ECSIT: variants seen among roughly 807,000 people sequenced by gnomAD.
ECSIT encodes the protein evolutionarily conserved signaling intermediate in Toll pathway, mitochondrial.
Under a neutral mutation model 36.8 loss-of-function variants are expected in ECSIT, and 29 were observed. The observed-to-expected ratio is 0.79, with a 90% CI of 0.59 to 1.08. The LOEUF is 1.08. Ranked by LOEUF, ECSIT falls within the 50% of genes least tolerant of loss-of-function variation. ECSIT has a pLI of 0.00. For synonymous variants in ECSIT, 231 were observed against 234.8 expected, an observed-to-expected ratio of 0.98 and a Z score of 0.15; for missense variants, 542 against 581.0, an observed-to-expected ratio of 0.93 and a Z score of 0.69.
chr19:11,523,548 C>G (rs1024098530), intron 1 of ECSIT: 2 of 1,066,592 alleles, frequency 1.9e-6, no homozygotes, highest in African/African-American at 3.1e-5. Context: ...ATCTGTGAAG[C>G]TGCCAAAGCC....
chr19:11,522,140 C>CG (rs1972117543), intron 1 of ECSIT: 1 of 410,626 alleles, frequency 2.4e-6, no homozygotes, highest in Non-Finnish European at 4.6e-6. Flanking sequence ...AAGAAGTCTT[C>CG]GGGGAGACTG....
chr19:11,522,395 A>G (rs1972124050), intron 1 of ECSIT: 1 of 1,066,778 alleles, frequency 9.4e-7, no homozygotes. Context: ...CTGGCCGTCA[A>G]GCAGTTCCAA....
chr19:11,510,261 G>A (rs912579918), intron 4 of ECSIT, among the ~76,000 whole-genome samples: 2 of 151,958 alleles, frequency 1.3e-5, no homozygotes, highest in Non-Finnish European at 1.5e-5. Flanking sequence ...CTACAGACTT[G>A]ACTTCCTGAG....
At chr19:11,515,393 C>G (rs192124845) in intron 2 of ECSIT, among the ~76,000 whole-genome samples, 2 of 151,850 alleles carry the variant, frequency 1.3e-5, no homozygotes, top group African/African-American at 4.8e-5. Context: ...TGAGCCACCG[C>G]GCCCGGCGTA....
At chr19:11,507,341 A>G (rs1253862638) in intron 7 of ECSIT, 116 bp downstream of exon 7, 5 of 806,052 alleles carry the variant, frequency 6.2e-6, no homozygotes, top group East Asian at 5.1e-5. Context: ...CAGTGGCTCT[A>G]TAATAGTTCA....
chr19:11,515,559 C>T (rs527505986), intron 2 of ECSIT, among the ~76,000 whole-genome samples: 10 of 151,886 alleles, frequency 6.6e-5, no homozygotes, highest in Non-Finnish European at 1.2e-4. Flanking sequence ...TGGGTTCAAG[C>T]GATTCTCCTG....
chr19:11,515,065 C>G (rs1378930858), intron 2 of ECSIT, among the ~76,000 whole-genome samples: 1 of 151,300 alleles, frequency 6.6e-6, no homozygotes, highest in African/African-American at 2.4e-5. Context: ...TCTCAAACTC[C>G]AGGCCTCAAG....
In ECSIT at chr19:11,507,825, G is replaced by A. The variant is rs1350976010; in HGVS notation, c.822C>T (p.Ala274=). 5.6e-6 allele frequency: 9 copies of A among 1,613,428 alleles called. No homozygotes were observed. Among genetic ancestry groups the A allele is most frequent in the Non-Finnish European group, 5.9e-6 (7 of 1,179,984 alleles). ...IVGIQSPDQQ[A]ALARHNPARP... ...GGGCTGGATTGTGGCGGGCCAGGGC[G>A]GCCTGCTGATCGGGACTCTGGATTC... is the stretch of plus-strand genomic sequence containing the variant. The change falls in exon 6 of 8, where the codon GCC becomes GCT. Residue 274 remains alanine (A), a synonymous_variant. Coordinates refer to ENST00000270517, the MANE Select transcript of ECSIT (RefSeq NM_016581.5).
rs1001326232 is a variant in ECSIT at position 11,513,811 on chromosome 19, C to G, written c.507G>C (p.Glu169Asp). ...ECGIAVLEQM[E>D]NHGVMPNKET... ...CCAGCCTCCTGGCCTCACCGTGGTT[C>G]TCCATCTGCTCCAGGACAGCAATCC... The change falls in exon 3 of 8, where the codon GAG (glutamate) becomes GAC (aspartate). Residue 169 changes from glutamate to aspartate, a missense_variant. By Grantham distance (45) the Glu-to-Asp change is conservative. Transcript: ENST00000270517. 2.2e-5 allele frequency: 36 copies of G among 1,614,016 alleles called. 1 individual carries two copies. The highest frequency in any genetic ancestry group is 2.7e-5 in the Non-Finnish European group (32 of 1,180,028).
At chr19:11,508,366 A>T (rs1307401672) in intron 4 of ECSIT, among the ~76,000 whole-genome samples, 2 of 138,364 alleles carry the variant, frequency 1.4e-5, no homozygotes, top group Non-Finnish European at 3.0e-5. Flanking sequence ...TAGGGATGAT[A>T]ACAGCACTTA....
intron 3 of ECSIT, 90 bp from the exon 4 acceptor site, chr19:11,513,369 T>G: frequency 1.1e-5 from 11 of 996,332 alleles, no homozygotes; most frequent in Non-Finnish European, 1.6e-5. Flanking sequence ...GTGAGGGAAT[T>G]GATCACAGAC....
intron 2 of ECSIT, among the ~76,000 whole-genome samples, chr19:11,514,986 G>C (rs969647593): frequency 6.6e-6 from 1 of 151,182 alleles, no homozygotes; most frequent in African/African-American, 2.4e-5. Flanking sequence ...CTACAGACGT[G>C]CTCCACCACG....
At chr19:11,514,355 C>T in intron 2 of ECSIT, 134 bp from the exon 3 acceptor site, 3 of 853,124 alleles carry the variant, frequency 3.5e-6, no homozygotes, top group East Asian at 2.7e-5. Flanking sequence ...GGTTACAAAC[C>T]CAAGATTCGA....
chr19:11,528,025 A>G (rs960189392), intron 1 of ECSIT, among the ~76,000 whole-genome samples: 1 of 152,066 alleles, frequency 6.6e-6, no homozygotes, highest in Admixed American at 6.6e-5. Context: ...AATAAATAAA[A>G]TCAGATAGGG....
chr19:11,516,759 TG>T (rs1972008137), intron 2 of ECSIT, among the ~76,000 whole-genome samples: 1 of 151,868 alleles, frequency 6.6e-6, no homozygotes, highest in African/African-American at 2.4e-5. Context: ...GGCTCACACC[TG>T]TAATCCTAGC....
chr19:11,514,328 C>A (rs899241387), intron 2 of ECSIT, 107 bp from the exon 3 acceptor site: 2 of 1,087,376 alleles, frequency 1.8e-6, no homozygotes, highest in Non-Finnish European at 2.6e-6. Flanking sequence ...CCTGAGGACT[C>A]GGAGGTATGG....
rs760940087 is a variant in ECSIT, at chr19:11,506,438, G to C, written c.1052-10C>G. On this transcript the variant is annotated splice_polypyrimidine_tract_variant and intron_variant, in intron 7 of 7. Transcript: ENST00000270517. ...ACAGGGCCTTCCTCCACTGTTGGAA[G>C]ACATGCACCCTTAAGGTTTGCACAG... 2 of 1,606,964 alleles carry C rather than the reference G, an allele frequency of 1.2e-6. No homozygotes were observed. Among genetic ancestry groups the C allele is most frequent in the South Asian group, 1.1e-5 (1 of 90,882 alleles).
intron 4 of ECSIT, among the ~76,000 whole-genome samples, chr19:11,508,681 T>G (rs2144967540): frequency 6.6e-6 from 1 of 152,242 alleles, no homozygotes; most frequent in South Asian, 2.1e-4. Flanking sequence ...GCCTCCCAAG[T>G]AGCTGGGACT....
rs368448235 is a variant in ECSIT at position 11,507,982 on chromosome 19, C to T, written c.796+9G>A. The stretch of plus-strand genomic sequence containing the variant: ...AGAGACTTGGCTGCCCCCATGCTCT[C>T]GGACTTACCTACGATGTGGGGCTGG... On this transcript the variant is annotated intron_variant, in intron 5 of 7. Coordinates refer to ENST00000270517, the MANE Select transcript of ECSIT (RefSeq NM_016581.5). 45 of 1,613,936 alleles carry T rather than the reference C, an allele frequency of 2.8e-5. No individual in the cohort carries two copies. Among genetic ancestry groups the T allele is most frequent in the Non-Finnish European group, 3.5e-5 (41 of 1,179,992 alleles).
Sources: gnomAD v4.1 joint callset for allele counts (sites outside exome capture counted in the v4.1 genomes callset) on GRCh38, gnomAD v4.1.1 for gene constraint, MANE v1.5 for transcripts, NCBI Gene and HGNC (gene_info 2026-07-23, HGNC 2026-07-21) for gene names.